The following TRAPPC12 variants were observed in gnomAD, a reference collection of about 807,000 sequenced individuals.
The protein encoded by TRAPPC12 is TPR repeat protein 15.
A neutral mutation model predicts 69.2 loss-of-function variants in TRAPPC12; 61 were observed. The observed-to-expected ratio is 0.88, with a 90% CI of 0.72 to 1.09. The LOEUF (loss-of-function observed/expected upper bound fraction) is 1.09. Among genes scored for constraint, TRAPPC12 ranks in the 50% least tolerant of loss-of-function variants. The probability of loss-of-function intolerance (pLI) is 0.00; values close to 1 mark genes in which losing one functional copy is unlikely to be tolerated. For missense variants in TRAPPC12, 1,101 were observed against 1,016.4 expected (o/e 1.08, Z -1.13); for synonymous variants, 469 against 438.9 (o/e 1.07, Z -0.86).
intron 8 of TRAPPC12, among the ~76,000 whole-genome samples, chr2:3,462,699 C>T (rs1665573769): frequency 6.6e-6 from 1 of 152,240 alleles, no homozygotes; most frequent in African/African-American, 2.4e-5. Flanking sequence ...ACTATCTTCA[C>T]TTTTTAAATA....
At chr2:3,431,966 G>A (rs189621948) in intron 5 of TRAPPC12, among the ~76,000 whole-genome samples, 30 of 152,212 alleles carry the variant, frequency 2.0e-4, no homozygotes, top group East Asian at 5.8e-4. Context: ...TACCCCTCTC[G>A]TTCCAAAGAA....
intron 3 of TRAPPC12, among the ~76,000 whole-genome samples, chr2:3,404,492 A>G (rs147529198): frequency 8.3e-4 from 126 of 152,310 alleles, no homozygotes; most frequent in African/African-American, 3.0e-3. Flanking sequence ...TTTTTGAGAA[A>G]GTACCGAACA....
chr2:3,435,380 A>T (rs985097822), intron 5 of TRAPPC12, among the ~76,000 whole-genome samples: 1 of 152,228 alleles, frequency 6.6e-6, no homozygotes, highest in African/African-American at 2.4e-5. Flanking sequence ...AAATAACATT[A>T]ACATTTTTAA....
At chr2:3,461,774 G>A (rs1323253731) in intron 8 of TRAPPC12, among the ~76,000 whole-genome samples, 2 of 150,654 alleles carry the variant, frequency 1.3e-5, no homozygotes, top group Non-Finnish European at 3.0e-5. Flanking sequence ...TCTGCAGCAG[G>A]GCTTGCCCAC....
intron 2 of TRAPPC12, among the ~76,000 whole-genome samples, chr2:3,394,481 C>T (rs1661004362): frequency 6.6e-6 from 1 of 152,090 alleles, no homozygotes; most frequent in African/African-American, 2.4e-5. Context: ...AACAGCCGGA[C>T]GTGGTGGTGC....
chr2:3,445,493 G>A (rs1335752180), intron 6 of TRAPPC12, among the ~76,000 whole-genome samples: 3 of 152,212 alleles, frequency 2.0e-5, no homozygotes, highest in Non-Finnish European at 2.9e-5. Flanking sequence ...TTCCCACACC[G>A]CTGCTCTGGG....
chr2:3,469,277 C>CACT (rs1665961055), intron 9 of TRAPPC12, among the ~76,000 whole-genome samples: 1 of 152,182 alleles, frequency 6.6e-6, no homozygotes, highest in African/African-American at 2.4e-5. Flanking sequence ...GAGTTGGTGC[C>CACT]ACTACGGAAG....
intron 8 of TRAPPC12, among the ~76,000 whole-genome samples, chr2:3,461,357 C>T (rs761985023): frequency 2.0e-5 from 3 of 152,040 alleles, no homozygotes; most frequent in South Asian, 2.1e-4. Flanking sequence ...CCGGCTTTAG[C>T]GCAGCCCCAG....
intron 3 of TRAPPC12, among the ~76,000 whole-genome samples, chr2:3,421,287 C>T (rs147210875): frequency 1.5e-3 from 232 of 152,322 alleles, no homozygotes; most frequent in African/African-American, 5.4e-3. Context: ...TACCAGCCAG[C>T]CTTTCCATGT....
intron 9 of TRAPPC12, among the ~76,000 whole-genome samples, chr2:3,469,931 A>C (rs182130468): frequency 1.3e-5 from 2 of 152,286 alleles, no homozygotes; most frequent in Non-Finnish European, 2.9e-5. Context: ...CGTTTCTCTG[A>C]GATTAGTTTC....
rs1662811831 is a variant in TRAPPC12 at position 3,421,899 on chromosome 2, G to T, written c.1183G>T (p.Ala395Ser). The T allele has an allele frequency of 6.2e-7, 1 of 1,613,708 alleles. No homozygotes were observed. Among genetic ancestry groups the T allele is most frequent in the Admixed American group, 1.7e-5 (1 of 60,000 alleles). ...KQLISCRNWRAAVDLCGRLLT... is the reference protein window; with the variant it reads ...KQLISCRNWRSAVDLCGRLLT... ...CTTGCAGAGCTGCAGAAACTGGAGG[G>T]CAGCAGTGGACCTGTGCGGACGTCT... The change falls in exon 4 of 12, where the codon GCA (alanine) becomes TCA (serine). Residue 395 changes from alanine (A) to serine (S), a missense_variant. Transcript: ENST00000324266.
chr2:3,401,469 G>A (rs1661439534), intron 2 of TRAPPC12, among the ~76,000 whole-genome samples: 1 of 152,212 alleles, frequency 6.6e-6, no homozygotes, highest in Admixed American at 6.5e-5. Context: ...CTCACTACAA[G>A]CCTGGTAGTA....
chr2:3,457,905 C>T, intron 7 of TRAPPC12: 1 of 1,415,734 alleles, frequency 7.1e-7, no homozygotes. Context: ...AGACCCGAAC[C>T]CTGCGCCCGG....
rs1468953486 is a variant in TRAPPC12 at position 3,394,006 on chromosome 2, G to GTGGCTGGAATAGGATACATGTTTATT, written c.1047+5338_1047+5363dup. 4.6e-5 allele frequency among the ~76,000 whole-genome samples: 7 copies of GTGGCTGGAATAGGATACATGTTTATT among 152,222 alleles called. 1 individual carries two copies. The highest frequency in any genetic ancestry group is 1.7e-4 in the African/African-American group (7 of 41,458). On this transcript the variant is annotated intron_variant, in intron 2 of 11. Coordinates refer to ENST00000324266, the MANE Select transcript of TRAPPC12 (RefSeq NM_016030.6). ...ATTAACAAAGAAAGCCAAAGGTATGGTGGCTGGAATAGGATACATGTTTAT... is the reference window on the plus strand; with the variant it reads ...ATTAACAAAGAAAGCCAAAGGTATGGTGGCTGGAATAGGATACATGTTTATTTGGCTGGAATAGGATACATGTTTAT...
At chr2:3,474,086 A>G (rs1393355634) in intron 9 of TRAPPC12, among the ~76,000 whole-genome samples, 1 of 152,216 alleles carries the variant, frequency 6.6e-6, no homozygotes, top group Non-Finnish European at 1.5e-5. Flanking sequence ...CAAGGTGATG[A>G]GGAATCCCAA....
chr2:3,389,898 C>A, intron 2 of TRAPPC12: 1 of 424,954 alleles, frequency 2.4e-6, no homozygotes, highest in South Asian at 1.7e-5. Context: ...GGCTCAGGGG[C>A]TTTTTTGGGC....
intron 9 of TRAPPC12, 179 bp downstream of exon 9, chr2:3,465,874 G>C (rs1665784728): frequency 1.7e-6 from 1 of 601,190 alleles, no homozygotes; most frequent in African/African-American, 1.9e-5. Context: ...TTGACTGTGG[G>C]AGGCCCTGCT....
At chr2:3,459,118 A>C (rs559474810) in intron 7 of TRAPPC12, among the ~76,000 whole-genome samples, 1 of 152,330 alleles carries the variant, frequency 6.6e-6, no homozygotes, top group East Asian at 1.9e-4. Context: ...GCTTGGTGCC[A>C]GCGGTGGGTC....
At chr2:3,381,016 A>G (rs1303407386) in intron 1 of TRAPPC12, among the ~76,000 whole-genome samples, 1 of 152,214 alleles carries the variant, frequency 6.6e-6, no homozygotes, top group Non-Finnish European at 1.5e-5. Flanking sequence ...AGAGGAGCTG[A>G]GAGGTGACCA....
Sources: allele counts gnomAD v4.1 joint callset (sites outside exome capture counted in the v4.1 genomes callset), GRCh38; gene constraint gnomAD v4.1.1; transcripts MANE v1.5; gene names NCBI Gene and HGNC (gene_info 2026-07-23, HGNC 2026-07-21).